CNTN3: variants seen among roughly 807,000 people sequenced by gnomAD.
CNTN3 encodes the protein contactin 3.
In CNTN3, 60 loss-of-function variants were observed where a neutral mutation model predicts 119.1. The ratio of observed to expected loss-of-function variants is 0.50; its 90% CI spans 0.41 to 0.62. The LOEUF is 0.62. Ranked by LOEUF, CNTN3 falls within the 20% of genes least tolerant of loss-of-function variation. CNTN3 has a pLI of 0.00. For synonymous variants in CNTN3, 450 were observed against 438.7 expected, an observed-to-expected ratio of 1.03 and a Z score of -0.32; for missense variants, 1,101 against 1,242.4, an observed-to-expected ratio of 0.89 and a Z score of 1.71.
chr3:74,344,753 C>G (rs2106733862), intron 11 of CNTN3, among the ~76,000 whole-genome samples: 1 of 152,254 alleles, frequency 6.6e-6, no homozygotes, highest in Admixed American at 6.5e-5. Context: ...AGACACCGCG[C>G]CCGGCCATTA....
chr3:74,421,689 C>T (rs1182584962), intron 5 of CNTN3, among the ~76,000 whole-genome samples: 2 of 152,142 alleles, frequency 1.3e-5, no homozygotes, highest in African/African-American at 2.4e-5. Context: ...AGGGCAAGCA[C>T]ATGTCCTGCA....
At chr3:74,566,589 C>T (rs981085683) in intron 1 of CNTN3, among the ~76,000 whole-genome samples, 1 of 152,090 alleles carries the variant, frequency 6.6e-6, no homozygotes, top group Non-Finnish European at 1.5e-5. Context: ...ACATGGTCCT[C>T]TTCCCTGTGT....
At chr3:74,296,187 G>A (rs1210177313) in intron 18 of CNTN3, among the ~76,000 whole-genome samples, 3 of 152,082 alleles carry the variant, frequency 2.0e-5, no homozygotes, top group East Asian at 1.9e-4. Flanking sequence ...AGGTAAGCCC[G>A]ATTCATTTTT....
At chr3:74,611,438 T>C (rs1705080112) in intron 1 of CNTN3, among the ~76,000 whole-genome samples, 1 of 152,196 alleles carries the variant, frequency 6.6e-6, no homozygotes, top group Non-Finnish European at 1.5e-5. Context: ...GCATTTCTCC[T>C]GCAGCAATTT....
intron 5 of CNTN3, among the ~76,000 whole-genome samples, chr3:74,395,008 AATAAT>A: frequency 6.6e-6 from 1 of 152,302 alleles, no homozygotes; most frequent in East Asian, 1.9e-4. Context: ...ATAAAATGCA[AATAAT>A]ATAAATTAAT....
intron 4 of CNTN3, among the ~76,000 whole-genome samples, chr3:74,458,123 A>G (rs1702302601): frequency 6.6e-6 from 1 of 152,120 alleles, no homozygotes; most frequent in Non-Finnish European, 1.5e-5. Context: ...GTAATTCTAT[A>G]GAGACTGAAG....
At chr3:74,411,132 T>C (rs1283921987) in intron 5 of CNTN3, among the ~76,000 whole-genome samples, 1 of 152,104 alleles carries the variant, frequency 6.6e-6, no homozygotes, top group Non-Finnish European at 1.5e-5. Context: ...CATCCCAGTG[T>C]CCTATCCTCT....
At chr3:74,503,646 G>A (rs1388234878) in intron 2 of CNTN3, among the ~76,000 whole-genome samples, 2 of 152,094 alleles carry the variant, frequency 1.3e-5, no homozygotes, top group Non-Finnish European at 2.9e-5. Context: ...AAAAGACAGA[G>A]CCTTGACTAT....
intron 20 of CNTN3, 119 bp from the exon 21 acceptor site, chr3:74,267,497 G>A: frequency 1.5e-6 from 1 of 684,764 alleles, no homozygotes; most frequent in Non-Finnish European, 2.6e-6. Context: ...CTTTGGTAAT[G>A]CTTGGTGTAA....
intron 4 of CNTN3, among the ~76,000 whole-genome samples, chr3:74,477,992 A>G (rs911318441): frequency 2.0e-5 from 3 of 152,188 alleles, no homozygotes; most frequent in African/African-American, 7.2e-5. Context: ...AGGGAAACAC[A>G]GAAGTCATTT....
intron 11 of CNTN3, among the ~76,000 whole-genome samples, chr3:74,348,591 T>C (rs79313754): frequency 0.051 from 7,736 of 152,126 alleles, 643 homozygotes; most frequent in African/African-American, 0.17. Flanking sequence ...GGAGAGACCA[T>C]AAGCAGAGGC....
At chr3:74,612,699 G>A (rs1705102713) in intron 1 of CNTN3, among the ~76,000 whole-genome samples, 1 of 152,076 alleles carries the variant, frequency 6.6e-6, no homozygotes. Flanking sequence ...TATTTCCCTG[G>A]TGGATACTGA....
At position 74,494,055 on chromosome 3, in the gene CNTN3, C is replaced by T. The variant is rs147310530; in HGVS notation, c.182+5604G>A. 3.1e-3 allele frequency among the ~76,000 whole-genome samples: 472 copies of T among 152,236 alleles called. 5 individuals are homozygous for T. In the East Asian group the frequency reaches 0.038, roughly 12 times the overall value. The stretch of plus-strand genomic sequence containing the variant: ...ATCAGGGATTCTCTTAAAATTATTT[C>T]AAGGAGTGTTACAGATGTTTTCCCT... On this transcript the variant is annotated intron_variant, in intron 3 of 22. Coordinates refer to ENST00000263665, the MANE Select transcript of CNTN3 (RefSeq NM_020872.3).
At chr3:74,356,473 C>T (rs929810114) in intron 11 of CNTN3, among the ~76,000 whole-genome samples, 1 of 152,042 alleles carries the variant, frequency 6.6e-6, no homozygotes, top group Non-Finnish European at 1.5e-5. Flanking sequence ...TAAGAGCCTT[C>T]CTAGGTGATT....
At chr3:74,537,919 G>A (rs915210198) in intron 1 of CNTN3, among the ~76,000 whole-genome samples, 2 of 152,104 alleles carry the variant, frequency 1.3e-5, no homozygotes, top group African/African-American at 4.8e-5. Context: ...CCCAGAAACA[G>A]AGAAGGGCAG....
At chr3:74,542,755 C>T (rs1703859605) in intron 1 of CNTN3, among the ~76,000 whole-genome samples, 1 of 152,076 alleles carries the variant, frequency 6.6e-6, no homozygotes, top group Non-Finnish European at 1.5e-5. Flanking sequence ...GAATTTTGTT[C>T]CTGCTTACGG....
chr3:74,388,262 CTG>C (rs1223591803), intron 5 of CNTN3, among the ~76,000 whole-genome samples: 1 of 152,118 alleles, frequency 6.6e-6, no homozygotes, highest in African/African-American at 2.4e-5. Context: ...AAAGTCTACA[CTG>C]TAAATATTTA....
At chr3:74,300,882 G>A (rs537002166) in intron 16 of CNTN3, among the ~76,000 whole-genome samples, 88 of 152,184 alleles carry the variant, frequency 5.8e-4, no homozygotes, top group Non-Finnish European at 9.1e-4. Context: ...GCAGTCTTAT[G>A]GTCTATGTGA....
intron 20 of CNTN3, among the ~76,000 whole-genome samples, chr3:74,273,360 C>T (rs922416485): frequency 3.9e-5 from 6 of 152,156 alleles, no homozygotes; most frequent in African/African-American, 1.4e-4. Context: ...TGGAGGCTTG[C>T]ATTGTGAATT....
Sources: gnomAD v4.1 joint callset for allele counts (sites outside exome capture counted in the v4.1 genomes callset) on GRCh38, gnomAD v4.1.1 for gene constraint, MANE v1.5 for transcripts, NCBI Gene and HGNC (gene_info 2026-07-23, HGNC 2026-07-21) for gene names.